Variants in FAM186A observed in about 807,000 individuals in gnomAD.
The protein encoded by FAM186A is protein FAM186A.
A neutral mutation model predicts 216.8 loss-of-function variants in FAM186A; 163 were observed. The ratio of observed to expected loss-of-function variants is 0.75; its 90% CI spans 0.66 to 0.86. FAM186A has a LOEUF of 0.86. FAM186A is among the 40% of genes least tolerant of loss of function. The pLI, the probability that FAM186A is intolerant of heterozygous loss-of-function variation, is 0.00. For missense variants in FAM186A, 2,184 were observed against 2,746.2 expected, an observed-to-expected ratio of 0.80 and a Z score of 4.58; for synonymous variants, 805 against 1,025.3, an observed-to-expected ratio of 0.79 and a Z score of 4.10.
intron 1 of FAM186A, among the ~76,000 whole-genome samples, chr12:50,366,626 CAAAA>C (rs61606774): frequency 2.4e-3 from 118 of 49,384 alleles, no homozygotes; most frequent in African/African-American, 6.8e-3. Context: ...ATAGAATGAC[CAAAA>C]AAAAAAAAAA....
intron 4 of FAM186A, among the ~76,000 whole-genome samples, chr12:50,341,676 A>G (rs1446721238): frequency 6.6e-6 from 1 of 152,148 alleles, no homozygotes; most frequent in Non-Finnish European, 1.5e-5. Context: ...CTCTACTAAA[A>G]ATACAAAAAT....
chr12:50,343,854 CGTGATCTGCCTG>C (rs1357809575), intron 4 of FAM186A, among the ~76,000 whole-genome samples: 1 of 151,572 alleles, frequency 6.6e-6, no homozygotes, highest in Admixed American at 6.6e-5. Flanking sequence ...CTCCTGACCT[CGTGATCTGCCTG>C]CCTTGGCCTC....
At position 50,360,780 on chromosome 12, in the gene FAM186A, T is replaced by A. The variant is rs12303082; in HGVS notation, c.559A>T (p.Lys187Ter). Residue 187 changes from lysine to a stop codon, truncating the protein, a stop_gained, in exon 3 of 8, where the codon AAG (lysine) becomes TAG (stop). Coordinates refer to ENST00000327337, the MANE Select transcript of FAM186A (RefSeq NM_001145475.3). LOFTEE classifies it high-confidence loss of function. ...CATATTTTTTTCTTTTGTTTCTTCT[T>A]TTCGTCGAGGAAAGATGTACTAAAT... ...SRFSTSFLDE[K>*]KKQKKKILSR... 2.6e-6 allele frequency: 4 copies of A among 1,536,246 alleles called. No individual in the cohort carries two copies. Among genetic ancestry groups the A allele is most frequent in the Non-Finnish European group, 3.5e-6 (4 of 1,141,802 alleles).
At chr12:50,359,618 G>A (rs561054607) in intron 3 of FAM186A, among the ~76,000 whole-genome samples, 56 of 152,084 alleles carry the variant, frequency 3.7e-4, no homozygotes, top group Non-Finnish European at 6.3e-4. Flanking sequence ...ATTTATAAAA[G>A]CCCCAAAGTG....
chr12:50,357,925 T>C (rs9668187), intron 3 of FAM186A, among the ~76,000 whole-genome samples: 96,832 of 151,622 alleles, frequency 0.64, 31,493 homozygotes, highest in East Asian at 0.74. Context: ...TTGCAGTGAG[T>C]CGAGATCACG....
Position 50,353,592 on chromosome 12 carries a change from G to C in FAM186A, c.3240C>G (p.Ala1080=). The C allele has an allele frequency of 6.6e-7, 1 of 1,525,766 alleles. No individual in the cohort carries two copies. 94.5% of individuals were successfully genotyped at this position (1,525,766 alleles called of 1,614,324 possible). Reference sequence around the variant, plus strand: ...GAGTGAGTGTGATCCCCACTTCCTGGGCCTGCTGAGGTGTGAGATGAATGC... The same window carrying C: ...GAGTGAGTGTGATCCCCACTTCCTGCGCCTGCTGAGGTGTGAGATGAATGC... The part of the protein sequence containing the change: ...TKCIHLTPQQ[A]QEVGITLTPQ... Residue 1080 remains alanine, a synonymous_variant, in exon 4 of 8, where the codon GCC becomes GCG. Coordinates refer to ENST00000327337, the MANE Select transcript of FAM186A (RefSeq NM_001145475.3).
In FAM186A at chr12:50,350,743, G is replaced by A; in HGVS notation, c.6089C>T (p.Pro2030Leu). ...GAGAAGGGCCCTTTCATCAGTGTAA[G>A]GGGTTTGGTATACTGGTGTCCTATA... ...TKYRTPVYQT[P>L]YTDERALLTL... Residue 2030 changes from proline (P) to leucine (L), a missense_variant, in exon 4 of 8, where the codon CCT (proline) becomes CTT (leucine). Pro to Leu is a moderately conservative substitution (Grantham distance 98). Around this residue, in one of 7 missense-constraint regions of FAM186A, gnomAD observed 721 missense variants for 816.4 expected, o/e 0.88. Transcript: ENST00000327337. 1 of 1,551,662 alleles carries A rather than the reference G, an allele frequency of 6.4e-7. No homozygotes were observed. The highest frequency in any genetic ancestry group is 1.2e-5 in the South Asian group (1 of 84,058).
At chr12:50,387,299 G>T (rs147228898) in intron 1 of FAM186A, among the ~76,000 whole-genome samples, 1 of 152,194 alleles carries the variant, frequency 6.6e-6, no homozygotes, top group African/African-American at 2.4e-5. Context: ...CACAGAACTG[G>T]TTTATTGAAG....
Position 50,350,444 on chromosome 12 carries a change from A to G in FAM186A, c.6388T>C (p.Ser2130Pro). The change falls in exon 4 of 8, where the codon TCA becomes CCA. Residue 2130 changes from serine (S) to proline (P), a missense_variant. This residue lies in a region of FAM186A where 721 missense variants were observed against 816.4 expected (regional missense o/e 0.88). Transcript: ENST00000327337. ...NQAIKTCGLP[S>P]QLHTMARTLI... is the part of the protein sequence containing the mutation. Reference sequence around the variant, plus strand: ...GTCCTAGCCATTGTGTGTAGCTGTGAAGGGAGTCCACAAGTTTTTATAGCC... The same window carrying G: ...GTCCTAGCCATTGTGTGTAGCTGTGGAGGGAGTCCACAAGTTTTTATAGCC... The G allele has an allele frequency of 6.4e-7, 1 of 1,551,572 alleles. No individual in the cohort carries two copies. Among genetic ancestry groups the G allele is most frequent in the Non-Finnish European group, 8.7e-7 (1 of 1,146,960 alleles).
chr12:50,365,576 G>T, intron 1 of FAM186A: 1 of 434,760 alleles, frequency 2.3e-6, no homozygotes, highest in Non-Finnish European at 4.1e-6. Flanking sequence ...TTTCTCTACA[G>T]TCCGTATAAT....
At chr12:50,327,552 T>C in intron 7 of FAM186A, 148 bp from the exon 8 acceptor site, 2 of 639,156 alleles carry the variant, frequency 3.1e-6, no homozygotes, top group Non-Finnish European at 5.5e-6. Context: ...TTTTTTTTTT[T>C]TTTTTTTGAG....
rs779313996 is a variant in FAM186A at position 50,327,398 on chromosome 12, C to A, written c.7041G>T (p.Lys2347Asn). 157 of 1,547,428 alleles carry A rather than the reference C, an allele frequency of 1.0e-4. No individual in the cohort carries two copies. Among genetic ancestry groups the A allele is most frequent in the Middle Eastern group, 9.2e-4 (5 of 5,430 alleles). Residue 2347 changes from lysine (K) to asparagine (N), a missense_variant, in exon 8 of 8, where the codon AAG becomes AAT. Coordinates refer to ENST00000327337, the MANE Select transcript of FAM186A (RefSeq NM_001145475.3). ...KSLASLQSRV[K>N]KIPK is the part of the protein sequence containing the mutation. ...AATTTTACAGTCATTTGGGAATCTTCTTAACCCTGGAAATGAGACAAGAAA... is the reference window on the plus strand; with the variant it reads ...AATTTTACAGTCATTTGGGAATCTTATTAACCCTGGAAATGAGACAAGAAA...
chr12:50,390,299 T>C (rs1943345610), intron 1 of FAM186A, among the ~76,000 whole-genome samples: 1 of 152,146 alleles, frequency 6.6e-6, no homozygotes, highest in Admixed American at 6.6e-5. Flanking sequence ...AGTAATAGTA[T>C]ACAGGTAGAC....
intron 4 of FAM186A, among the ~76,000 whole-genome samples, chr12:50,343,281 A>G (rs1157176717): frequency 1.3e-5 from 2 of 152,062 alleles, no homozygotes; most frequent in East Asian, 1.9e-4. Context: ...GCCTCAAGCA[A>G]TCCTCCCGCC....
At chr12:50,395,767 T>G (rs1252666181) in intron 1 of FAM186A, among the ~76,000 whole-genome samples, 2 of 148,522 alleles carry the variant, frequency 1.3e-5, no homozygotes, top group African/African-American at 4.9e-5. Context: ...AATGAAAACT[T>G]TTTTTTTTTT....
rs1264003427 is a variant in FAM186A at position 50,354,976 on chromosome 12, C to T, written c.1856G>A (p.Ser619Asn). Residue 619 changes from serine (S) to asparagine (N), a missense_variant, in exon 4 of 8, where the codon AGC (serine) becomes AAC (asparagine). This residue lies in a region of FAM186A where 1,132 missense variants were observed against 1,263.4 expected (regional missense o/e 0.90). Coordinates refer to ENST00000327337, the MANE Select transcript of FAM186A (RefSeq NM_001145475.3). ...KHHISSGTITSKEEKTEEKEE... is the reference protein window; with the variant it reads ...KHHISSGTITNKEEKTEEKEE... The stretch of plus-strand genomic sequence containing the variant: ...CTTCTCTTCAGTTTTTTCTTCTTTG[C>T]TTGTGATAGTTCCTGAAGAGATATG... 1.3e-6 allele frequency: 2 copies of T among 1,549,618 alleles called. No homozygotes were observed. The highest frequency in any genetic ancestry group is 1.2e-5 in the South Asian group (1 of 83,472).
chr12:50,339,843 T>G (rs1042300565), intron 4 of FAM186A, among the ~76,000 whole-genome samples: 11 of 151,944 alleles, frequency 7.2e-5, no homozygotes, highest in Non-Finnish European at 1.3e-4. Flanking sequence ...TTTTCCTGAC[T>G]TTTTCTTTTT....
intron 3 of FAM186A, among the ~76,000 whole-genome samples, chr12:50,358,792 A>G (rs2136095743): frequency 1.3e-5 from 2 of 151,092 alleles, no homozygotes; most frequent in Admixed American, 1.3e-4. Flanking sequence ...GCGTGGTGGC[A>G]TGCGCCTGTA....
intron 4 of FAM186A, among the ~76,000 whole-genome samples, chr12:50,346,234 A>AG (rs1942813881): frequency 7.1e-6 from 1 of 140,442 alleles, no homozygotes; most frequent in African/African-American, 2.6e-5. Flanking sequence ...AGAAAGAAAG[A>AG]AAAAAAGAAA....
Sources: gnomAD v4.1 joint callset for allele counts (sites outside exome capture counted in the v4.1 genomes callset) on GRCh38, gnomAD v4.1.1 for gene constraint, gnomAD v4.1.1 regional missense constraint, MANE v1.5 for transcripts, NCBI Gene and HGNC (gene_info 2026-07-23, HGNC 2026-07-21) for gene names.